The following FAF1 variants were observed in gnomAD, a reference collection of about 807,000 sequenced individuals.
The protein encoded by FAF1 is Fas associated factor 1.
In FAF1, 25 loss-of-function variants were observed where a neutral mutation model predicts 92.5. That is an observed-to-expected ratio of 0.27 (90% CI 0.20 to 0.38). The LOEUF is 0.38. FAF1 is among the 10% of genes least tolerant of loss of function. The probability of loss-of-function intolerance (pLI) is 1.00; values close to 1 mark genes in which losing one functional copy is unlikely to be tolerated. For missense variants in FAF1, 636 were observed against 793.3 expected, an observed-to-expected ratio of 0.80 and a Z score of 2.38; for synonymous variants, 234 against 273.2, an observed-to-expected ratio of 0.86 and a Z score of 1.42.
intron 17 of FAF1, among the ~76,000 whole-genome samples, chr1:50,489,846 T>C (rs964062183): frequency 2.6e-5 from 4 of 152,168 alleles, no homozygotes; most frequent in Non-Finnish European, 5.9e-5. Context: ...ACAATCTTTC[T>C]ATTCTTAGGG....
intron 7 of FAF1, among the ~76,000 whole-genome samples, chr1:50,672,208 C>A (rs1202534762): frequency 6.6e-6 from 1 of 151,942 alleles, no homozygotes; most frequent in African/African-American, 2.4e-5. Flanking sequence ...CCATGCCCAG[C>A]TAATTTTTTT....
intron 6 of FAF1, among the ~76,000 whole-genome samples, chr1:50,708,955 C>T (rs1465462680): frequency 6.6e-6 from 1 of 152,168 alleles, no homozygotes; most frequent in African/African-American, 2.4e-5. Context: ...GAGAAGTCTA[C>T]TGGGAAATGA....
chr1:50,500,709 T>C (rs1374913425), intron 15 of FAF1, among the ~76,000 whole-genome samples: 1 of 152,148 alleles, frequency 6.6e-6, no homozygotes, highest in Non-Finnish European at 1.5e-5. Context: ...GAAAATGATA[T>C]TGAGTGTGCC....
chr1:50,773,052 A>G (rs897083736), intron 4 of FAF1, among the ~76,000 whole-genome samples: 6 of 152,202 alleles, frequency 3.9e-5, no homozygotes, highest in African/African-American at 1.4e-4. Flanking sequence ...TAACTCCTGT[A>G]TATCTTGCTA....
chr1:50,560,720 T>C (rs920479904), intron 13 of FAF1, among the ~76,000 whole-genome samples: 2 of 152,250 alleles, frequency 1.3e-5, no homozygotes, highest in African/African-American at 2.4e-5. Context: ...AATTCAATGT[T>C]TGATTCTAAG....
intron 13 of FAF1, 94 bp downstream of exon 13, chr1:50,566,983 A>C (rs1418747019): frequency 1.1e-6 from 1 of 951,874 alleles, no homozygotes; most frequent in Admixed American, 2.6e-5. Context: ...AGAGAGTTTA[A>C]TGCTGAGGAT....
intron 18 of FAF1, among the ~76,000 whole-genome samples, chr1:50,452,592 G>C (rs920003241): frequency 6.6e-6 from 1 of 152,154 alleles, no homozygotes; most frequent in Non-Finnish European, 1.5e-5. Context: ...TGTATAAAAG[G>C]TTGGTCCATA....
Position 50,470,797 on chromosome 1 carries a change from A to C in FAF1, c.1869+4667T>G, listed in dbSNP as rs556060378. 7 of 152,328 alleles carry C rather than the reference A, an allele frequency of 4.6e-5. No individual in the cohort carries two copies. The East Asian group carries it at 1.3e-3, about 29-fold the overall frequency. 9.4% of individuals were successfully genotyped at this position (152,328 alleles called of 1,614,324 possible). A position where few individuals can be genotyped will look rare whatever the true frequency, so the allele number is the denominator to read the frequency against. On this transcript the variant is annotated intron_variant, in intron 18 of 18. Coordinates refer to ENST00000396153, the MANE Select transcript of FAF1 (RefSeq NM_007051.3). ...CCAATGTTCAGTATGATGGAGTGGGATTCACATGCAAGACTAACTACCACT... is the reference window on the plus strand; with the variant it reads ...CCAATGTTCAGTATGATGGAGTGGGCTTCACATGCAAGACTAACTACCACT...
intron 2 of FAF1, among the ~76,000 whole-genome samples, chr1:50,834,845 A>T (rs1191551649): frequency 6.6e-6 from 1 of 152,246 alleles, no homozygotes; most frequent in Non-Finnish European, 1.5e-5. Context: ...GAAAACAAAT[A>T]GTTATAATGT....
chr1:50,749,294 C>T (rs1488377673), intron 4 of FAF1, among the ~76,000 whole-genome samples: 1 of 152,168 alleles, frequency 6.6e-6, no homozygotes, highest in Admixed American at 6.5e-5. Context: ...CCTTCTTACA[C>T]TCTTGAAAAC....
intron 5 of FAF1, among the ~76,000 whole-genome samples, chr1:50,741,464 T>C (rs1258265594): frequency 6.6e-6 from 1 of 152,238 alleles, no homozygotes; most frequent in African/African-American, 2.4e-5. Flanking sequence ...ATAAAAAAGC[T>C]ATGTTTTAAT....
At chr1:50,882,358 C>T (rs977900915) in intron 1 of FAF1, among the ~76,000 whole-genome samples, 2 of 151,906 alleles carry the variant, frequency 1.3e-5, no homozygotes, top group South Asian at 4.2e-4. Context: ...CTTTGGGAGG[C>T]CAAGGCGGGT....
intron 17 of FAF1, 21 bp from the exon 18 acceptor site, chr1:50,475,700 G>C: frequency 6.4e-7 from 1 of 1,552,250 alleles, no homozygotes; most frequent in African/African-American, 1.4e-5. Flanking sequence ...CAAAAACCAG[G>C]TGTTAAAATG....
chr1:50,442,960 TA>T (rs1290875461), intron 18 of FAF1, among the ~76,000 whole-genome samples: 1 of 152,198 alleles, frequency 6.6e-6, no homozygotes, highest in Non-Finnish European at 1.5e-5. Context: ...GGGAAGGGCC[TA>T]GCCTGTCTAT....
At chr1:50,457,229 C>G (rs1646363893) in intron 18 of FAF1, among the ~76,000 whole-genome samples, 1 of 151,376 alleles carries the variant, frequency 6.6e-6, no homozygotes, top group South Asian at 2.1e-4. Flanking sequence ...CAGATTTAGA[C>G]ATTAAACCTG....
chr1:50,701,852 C>T (rs754155560), intron 7 of FAF1, among the ~76,000 whole-genome samples: 1 of 152,004 alleles, frequency 6.6e-6, no homozygotes, highest in Non-Finnish European at 1.5e-5. Flanking sequence ...GCCAATTTTC[C>T]CCTTTCATGC....
chr1:50,850,311 G>A (rs1052058333), intron 2 of FAF1, among the ~76,000 whole-genome samples: 1 of 152,126 alleles, frequency 6.6e-6, no homozygotes, highest in African/African-American at 2.4e-5. Flanking sequence ...ATGAAGAGGA[G>A]GGGTTAAATG....
intron 1 of FAF1, among the ~76,000 whole-genome samples, chr1:50,946,045 G>C (rs1645170316): frequency 6.6e-6 from 1 of 152,240 alleles, no homozygotes; most frequent in South Asian, 2.1e-4. Flanking sequence ...TTCAGACAGT[G>C]AAGTGGGAAC....
At chr1:50,493,182 G>A (rs577885383) in intron 15 of FAF1, among the ~76,000 whole-genome samples, 31 of 151,974 alleles carry the variant, frequency 2.0e-4, no homozygotes, top group Middle Eastern at 3.4e-3. Flanking sequence ...ACACGCACCC[G>A]ACATCACGCC....
Sources: allele counts gnomAD v4.1 joint callset (sites outside exome capture counted in the v4.1 genomes callset), GRCh38; gene constraint gnomAD v4.1.1; transcripts MANE v1.5; gene names NCBI Gene and HGNC (gene_info 2026-07-23, HGNC 2026-07-21).